LRIG2: variants seen among roughly 807,000 people sequenced by gnomAD.
The protein encoded by LRIG2 is leucine-rich repeats and immunoglobulin-like domains protein 2.
In LRIG2, 93 loss-of-function variants were observed where a neutral mutation model predicts 107.8. The observed-to-expected ratio is 0.86, with a 90% CI of 0.73 to 1.03. The LOEUF (loss-of-function observed/expected upper bound fraction) is 1.03, where lower values mean the gene tolerates loss of function less well. Ranked by LOEUF, LRIG2 falls within the 50% of genes least tolerant of loss-of-function variation. The probability of loss-of-function intolerance (pLI) is 0.00; values close to 1 mark genes in which losing one functional copy is unlikely to be tolerated. For missense variants in LRIG2, 1,226 were observed against 1,296.0 expected (o/e 0.95, Z 0.83); for synonymous variants, 471 against 470.6 (o/e 1.00, Z -0.01).
At chr1:113,079,133 C>G (rs1386006200) in intron 1 of LRIG2, among the ~76,000 whole-genome samples, 2 of 151,664 alleles carry the variant, frequency 1.3e-5, no homozygotes, top group Non-Finnish European at 2.9e-5. Flanking sequence ...TCACTGGAGC[C>G]TAGGAGTTCA....
In LRIG2 at chr1:113,095,851, CTTCTCT is replaced by C; in HGVS notation, c.804-16_804-11del. On this transcript the variant is annotated splice_polypyrimidine_tract_variant and intron_variant, in intron 6 of 17. Coordinates refer to ENST00000361127, the MANE Select transcript of LRIG2 (RefSeq NM_014813.3). ...ACTGCCTTGTTTTGGAACGTATTTT[CTTCTCT>C]TTCTCTAATTCTGCAGAGAACTGGA... 1 of 1,613,662 alleles carries C rather than the reference CTTCTCT, an allele frequency of 6.2e-7. No homozygotes were observed. The highest frequency in any genetic ancestry group is 8.5e-7 in the Non-Finnish European group (1 of 1,179,638).
intron 11 of LRIG2, among the ~76,000 whole-genome samples, chr1:113,101,260 G>T (rs1454365489): frequency 6.6e-6 from 1 of 152,128 alleles, no homozygotes; most frequent in Admixed American, 6.5e-5. Context: ...GTAGAGACAG[G>T]GTTTCGCCAT....
At chr1:113,098,168 C>T (rs1570747222) in intron 8 of LRIG2, among the ~76,000 whole-genome samples, 1 of 152,278 alleles carries the variant, frequency 6.6e-6, no homozygotes, top group South Asian at 2.1e-4. Context: ...AATCTGATGA[C>T]ACGCTAACAC....
rs550639093 is a variant in LRIG2, at chr1:113,128,754, G to A, written c.*4653G>A. On this transcript the variant is annotated 3_prime_UTR_variant, in exon 18 of 18. Transcript: ENST00000361127. ...TTGAAAAACCACCCATTGCTCTCTA[G>A]AGCAGAATGTCTGAATGCTGGTTTT... The A allele has an allele frequency of 6.6e-6, 1 of 152,300 alleles. No individual in the cohort carries two copies. Among genetic ancestry groups the A allele is most frequent in the Admixed American group, 6.5e-5 (1 of 15,292 alleles). The allele number at this position is 152,300 out of a possible 1,614,324, so 9.4% of individuals were successfully genotyped here. A position where few individuals can be genotyped will look rare whatever the true frequency, so the allele number is the denominator to read the frequency against.
rs200290124 is a variant in LRIG2 at position 113,112,620 on chromosome 1, G to A, written c.1940G>A (p.Arg647Gln). 187 of 1,614,166 alleles carry A rather than the reference G, an allele frequency of 1.2e-4. 3 individuals are homozygous for A. In the East Asian group the frequency reaches 3.9e-3, roughly 34 times the overall value. Residue 647 changes from arginine to glutamine, a missense_variant, in exon 14 of 18, where the codon CGA (arginine) becomes CAA (glutamine). Coordinates refer to ENST00000361127, the MANE Select transcript of LRIG2 (RefSeq NM_014813.3). Reference sequence around the variant, plus strand: ...GGTGGTACTGACTTTCCTGCGGCTCGAGAAAGACGCATGCACGTCATGCCC... The same window carrying A: ...GGTGGTACTGACTTTCCTGCGGCTCAAGAAAGACGCATGCACGTCATGCCC... ...KDGGTDFPAARERRMHVMPED... is the reference protein window; with the variant it reads ...KDGGTDFPAAQERRMHVMPED...
rs10641659 is a variant in LRIG2 at position 113,083,345 on chromosome 1, CTTTTT to C, written c.240-7959_240-7955del. On this transcript the variant is annotated intron_variant, in intron 1 of 17. Coordinates refer to ENST00000361127, the MANE Select transcript of LRIG2 (RefSeq NM_014813.3). The stretch of plus-strand genomic sequence containing the variant: ...ATGAGCCACCACACCTGGCTGCTCA[CTTTTT>C]TTTTTTTTTTTTTGAGACGGAGTCT... Among the ~76,000 whole-genome samples, 55 of 109,042 alleles carry C rather than the reference CTTTTT, an allele frequency of 5.0e-4. No homozygotes were observed. The Admixed American group carries it at 6.1e-3, about 12-fold the overall frequency. The allele number at this position is 109,042 out of a possible 152,430, so 71.5% of individuals were successfully genotyped here. A position where few individuals can be genotyped will look rare whatever the true frequency, so the allele number is the denominator to read the frequency against.
intron 1 of LRIG2, 145 bp downstream of exon 1, chr1:113,073,790 T>A: frequency 1.3e-6 from 1 of 771,936 alleles, no homozygotes; most frequent in Non-Finnish European, 2.0e-6. Context: ...TTTTATGAAC[T>A]TTGTTTTAGG....
Position 113,076,074 on chromosome 1 carries a change from C to T in LRIG2, c.239+2429C>T, listed in dbSNP as rs536932151. ...AGGCTGGAGTGCAGTGGCACGATCT[C>T]GGCTCAGTGCAGCCTCTGCCTCCTG... On this transcript the variant is annotated intron_variant, in intron 1 of 17. Transcript: ENST00000361127. Among the ~76,000 whole-genome samples the T allele has an allele frequency of 1.4e-4, 21 of 151,566 alleles. No homozygotes were observed. In the South Asian group the frequency reaches 4.4e-3, roughly 32 times the overall value.
At chr1:113,077,981 T>G (rs935675314) in intron 1 of LRIG2, among the ~76,000 whole-genome samples, 6 of 148,878 alleles carry the variant, frequency 4.0e-5, no homozygotes, top group East Asian at 4.0e-4. Context: ...TGAGAACATG[T>G]GGTGTTTGGT....
At position 113,125,125 on chromosome 1, in the gene LRIG2, A is replaced by G. The variant is rs1380265807; in HGVS notation, c.*1024A>G. 1 of 152,202 alleles carries G rather than the reference A, an allele frequency of 6.6e-6. No individual in the cohort carries two copies. Among genetic ancestry groups the G allele is most frequent in the Admixed American group, 6.5e-5 (1 of 15,268 alleles). The allele number at this position is 152,202 out of a possible 1,614,324, so 9.4% of individuals were successfully genotyped here. On this transcript the variant is annotated 3_prime_UTR_variant, in exon 18 of 18. Coordinates refer to ENST00000361127, the MANE Select transcript of LRIG2 (RefSeq NM_014813.3). ...AGGCTGCAGTGAGCTGTGTGAAGCCACTGCATCCCAGCCTGGGTGACAGAG... is the reference window on the plus strand; with the variant it reads ...AGGCTGCAGTGAGCTGTGTGAAGCCGCTGCATCCCAGCCTGGGTGACAGAG...
rs587776946 is a variant in LRIG2 at position 113,114,471 on chromosome 1, C to T, written c.2125C>T (p.Arg709Ter). ...ACCCCTGGAGGATAAGACAGTAACACGAGGTGAAACTGCGGTGTTACAGTG... is the reference window on the plus strand; with the variant it reads ...ACCCCTGGAGGATAAGACAGTAACATGAGGTGAAACTGCGGTGTTACAGTG... ...IRPLEDKTVT[R>*]GETAVLQCIA... The change falls in exon 15 of 18, where the codon CGA (arginine) becomes TGA (stop). Residue 709 changes from arginine to a stop codon, truncating the protein, a stop_gained. Transcript: ENST00000361127. LOFTEE classifies it high-confidence loss of function. The T allele has an allele frequency of 4.3e-6, 7 of 1,613,430 alleles. No individual in the cohort carries two copies. The highest frequency in any genetic ancestry group is 2.2e-5 in the East Asian group (1 of 44,852).
intron 2 of LRIG2, among the ~76,000 whole-genome samples, chr1:113,091,942 C>T (rs749091437): frequency 9.2e-5 from 14 of 152,146 alleles, no homozygotes; most frequent in African/African-American, 4.8e-5. Flanking sequence ...GAGGCACAAC[C>T]GTTAAGGTAT....
Position 113,073,213 on chromosome 1 carries a change from G to GTCAGGCCGTGTGTC in LRIG2, c.-193_-180dup, listed in dbSNP as rs1553224498. On this transcript the variant is annotated 5_prime_UTR_variant, in exon 1 of 18. Coordinates refer to ENST00000361127, the MANE Select transcript of LRIG2 (RefSeq NM_014813.3). ...GGGGAGGGGCGGACGAGAGGTGTCC[G>GTCAGGCCGTGTGTC]TCAGGCCGTGTGTCCCAGGCCGTCG... 6.8e-6 allele frequency: 4 copies of GTCAGGCCGTGTGTC among 591,910 alleles called. No homozygotes were observed. In the Admixed American group the frequency reaches 1.2e-4, roughly 18 times the overall value. The allele number at this position is 591,910 out of a possible 1,614,324, so 36.7% of individuals were successfully genotyped here. A position where few individuals can be genotyped will look rare whatever the true frequency, so the allele number is the denominator to read the frequency against.
At chr1:113,108,042 C>T (rs1172337450) in intron 12 of LRIG2, among the ~76,000 whole-genome samples, 1 of 151,924 alleles carries the variant, frequency 6.6e-6, no homozygotes, top group Non-Finnish European at 1.5e-5. Context: ...CAGGTACTTT[C>T]CAAAAAGATA....
chr1:113,120,543 T>C (rs1233417089), intron 17 of LRIG2, among the ~76,000 whole-genome samples: 3 of 148,906 alleles, frequency 2.0e-5, no homozygotes, highest in Non-Finnish European at 3.0e-5. Flanking sequence ...GGAGGTTCGC[T>C]CTTGTTTCCC....
rs750740698 is a variant in LRIG2 at position 113,096,172 on chromosome 1, G to A, written c.948-50G>A. 11 of 1,596,844 alleles carry A rather than the reference G, an allele frequency of 6.9e-6. No individual in the cohort carries two copies. In the South Asian group the frequency reaches 1.1e-4, roughly 16 times the overall value. On this transcript the variant is annotated intron_variant, in intron 7 of 17. Transcript: ENST00000361127. ...CATGTAGATATAATAAGAATTGTAAGTTGAACCAAATACAATGAATTCCTT... is the reference window on the plus strand; with the variant it reads ...CATGTAGATATAATAAGAATTGTAAATTGAACCAAATACAATGAATTCCTT...
rs116580554 is a variant in LRIG2 at position 113,109,512 on chromosome 1, G to A, written c.1478-730G>A. 7.0e-3 allele frequency among the ~76,000 whole-genome samples: 1,060 copies of A among 152,186 alleles called. 9 individuals carry two copies. Among genetic ancestry groups the A allele is most frequent in the African/African-American group, 0.024 (1,005 of 41,540 alleles). Reference sequence around the variant, plus strand: ...TTATATTGGCACAGAAAGGATAATGGTTATATATATACATATATTTTTTGA... The same window carrying A: ...TTATATTGGCACAGAAAGGATAATGATTATATATATACATATATTTTTTGA... On this transcript the variant is annotated intron_variant, in intron 12 of 17. Coordinates refer to ENST00000361127, the MANE Select transcript of LRIG2 (RefSeq NM_014813.3).
intron 1 of LRIG2, among the ~76,000 whole-genome samples, chr1:113,077,909 C>T (rs755487619): frequency 2.3e-5 from 3 of 128,084 alleles, no homozygotes; most frequent in Admixed American, 9.6e-5. Context: ...TGACAGGCTC[C>T]GATGTGTGAT....
intron 2 of LRIG2, among the ~76,000 whole-genome samples, chr1:113,092,495 T>C (rs1653872361): frequency 6.6e-6 from 1 of 152,098 alleles, no homozygotes; most frequent in Admixed American, 6.6e-5. Flanking sequence ...AAAAAATATA[T>C]ATACATTTGT....
Sources: allele counts gnomAD v4.1 joint callset (sites outside exome capture counted in the v4.1 genomes callset), GRCh38; gene constraint gnomAD v4.1.1; transcripts MANE v1.5; gene names NCBI Gene and HGNC (gene_info 2026-07-23, HGNC 2026-07-21).